The following GRB2 variants were observed in gnomAD, a reference collection of about 807,000 sequenced individuals.
GRB2 encodes the protein growth factor receptor-bound protein 2.
GRB2 carries 2 observed loss-of-function variants against 27.4 expected under a neutral mutation model. The ratio of observed to expected loss-of-function variants is 0.07; its 90% CI spans 0.03 to 0.23. The LOEUF (loss-of-function observed/expected upper bound fraction) is 0.23, where lower values mean the gene tolerates loss of function less well. GRB2 is among the 10% of genes least tolerant of loss of function. The probability of loss-of-function intolerance (pLI) is 1.00; values close to 1 mark genes in which losing one functional copy is unlikely to be tolerated. For missense variants in GRB2, 102 were observed against 282.4 expected (o/e 0.36, Z 4.58); for synonymous variants, 94 against 99.6 (o/e 0.94, Z 0.33).
chr17:75,374,561 G>GAC (rs144253308), intron 2 of GRB2, among the ~76,000 whole-genome samples: 100 of 151,624 alleles, frequency 6.6e-4, no homozygotes, highest in African/African-American at 1.2e-3. Flanking sequence ...AAATCCTATT[G>GAC]ACACACACAC....
chr17:75,394,893 A>G (rs185736639), intron 1 of GRB2: 2 of 152,314 alleles, frequency 1.3e-5, no homozygotes, highest in East Asian at 3.9e-4. Flanking sequence ...CGGTGTAGTG[A>G]AGCGTCTCCA....
intron 2 of GRB2, among the ~76,000 whole-genome samples, chr17:75,349,574 G>A (rs11657602): frequency 5.5e-5 from 8 of 146,356 alleles, no homozygotes; most frequent in South Asian, 2.2e-4. Flanking sequence ...GCAGTGATGC[G>A]ATCTTGGCCC....
intron 2 of GRB2, chr17:75,387,633 T>G (rs959588032): frequency 6.6e-6 from 1 of 151,278 alleles, no homozygotes; most frequent in Non-Finnish European, 1.5e-5. Flanking sequence ...CACATCTCTA[T>G]TAAAAATACA....
chr17:75,339,909 G>GT (rs1221748776), intron 2 of GRB2, among the ~76,000 whole-genome samples: 1 of 152,156 alleles, frequency 6.6e-6, no homozygotes, highest in Non-Finnish European at 1.5e-5. Flanking sequence ...GATTACAGGC[G>GT]TTAGCCACGG....
intron 2 of GRB2, among the ~76,000 whole-genome samples, chr17:75,361,876 TA>T (rs36010550): frequency 0.014 from 2,009 of 142,346 alleles, 68 homozygotes; most frequent in East Asian, 0.099. Context: ...GTGTCTTTAT[TA>T]AAAAAAAAAA....
chr17:75,398,449 T>C (rs1278878870), intron 1 of GRB2, among the ~76,000 whole-genome samples: 1 of 151,678 alleles, frequency 6.6e-6, no homozygotes, highest in Non-Finnish European at 1.5e-5. Context: ...TTTGTAGAGA[T>C]GGGGTCTCCC....
rs149866767 is a variant in GRB2 at position 75,357,009 on chromosome 17, A to G, written c.79-24212T>C. On this transcript the variant is annotated intron_variant, in intron 2 of 5. Transcript: ENST00000316804. ...GCTAATGGCTTTTATAACATCCCCA[A>G]ATGGAACACTTTTCACTTTTACCAC... 3.9e-4 allele frequency among the ~76,000 whole-genome samples: 60 copies of G among 152,144 alleles called. 1 individual carries two copies. The highest frequency in any genetic ancestry group is 1.3e-3 in the African/African-American group (53 of 41,514).
chr17:75,379,503 G>C (rs1233255787), intron 2 of GRB2, among the ~76,000 whole-genome samples: 5 of 151,930 alleles, frequency 3.3e-5, no homozygotes, highest in African/African-American at 1.2e-4. Flanking sequence ...GGCTCAAGCA[G>C]TCTTCCCACC....
intron 4 of GRB2, among the ~76,000 whole-genome samples, chr17:75,324,507 G>GTTTTGTTT (rs1555608339): frequency 1.4e-4 from 5 of 36,704 alleles, no homozygotes; most frequent in Non-Finnish European, 2.8e-4. Flanking sequence ...ACCGCACCCA[G>GTTTTGTTT]TTTTTTTTTT....
intron 3 of GRB2, among the ~76,000 whole-genome samples, chr17:75,328,285 C>A (rs998929333): frequency 4.6e-5 from 7 of 151,038 alleles, no homozygotes; most frequent in African/African-American, 1.7e-4. Context: ...GACTGTGCCA[C>A]CGCACTCCAG....
intron 4 of GRB2, among the ~76,000 whole-genome samples, chr17:75,324,018 G>C (rs966452165): frequency 1.3e-5 from 2 of 151,188 alleles, no homozygotes; most frequent in Admixed American, 1.3e-4. Flanking sequence ...CACCATATTG[G>C]TCAGGCTGGT....
At chr17:75,394,710 G>C (rs1023007266) in intron 1 of GRB2, 2 of 152,262 alleles carry the variant, frequency 1.3e-5, no homozygotes, top group Non-Finnish European at 2.9e-5. Flanking sequence ...AGTGCAGGGA[G>C]ATGGTGCCCG....
chr17:75,330,749 G>A (rs929141116), intron 3 of GRB2, among the ~76,000 whole-genome samples: 6 of 151,870 alleles, frequency 4.0e-5, no homozygotes, highest in Admixed American at 3.9e-4. Context: ...AATAGCAAGG[G>A]CGAGAGCTAA....
chr17:75,345,558 C>T (rs536233681), intron 2 of GRB2, among the ~76,000 whole-genome samples: 1 of 152,222 alleles, frequency 6.6e-6, no homozygotes, highest in South Asian at 2.1e-4. Flanking sequence ...ACCAGGACAC[C>T]GTTAATTTCC....
intron 2 of GRB2, among the ~76,000 whole-genome samples, chr17:75,380,322 G>T: frequency 6.9e-6 from 1 of 143,976 alleles, no homozygotes. Flanking sequence ...TGCTTTTTCT[G>T]ATTACAAAAC....
intron 2 of GRB2, among the ~76,000 whole-genome samples, chr17:75,374,927 T>C (rs987536131): frequency 1.3e-5 from 2 of 152,166 alleles, no homozygotes; most frequent in Non-Finnish European, 1.5e-5. Flanking sequence ...AGGGGTCTCA[T>C]TCAGTCGCTC....
chr17:75,397,918 T>TG (rs2079038811), intron 1 of GRB2, among the ~76,000 whole-genome samples: 1 of 152,058 alleles, frequency 6.6e-6, no homozygotes, highest in Non-Finnish European at 1.5e-5. Flanking sequence ...CTCAGGTCAC[T>TG]GCAACCTCCG....
chr17:75,387,245 G>A (rs2078970086), intron 2 of GRB2, among the ~76,000 whole-genome samples: 1 of 151,900 alleles, frequency 6.6e-6, no homozygotes, highest in African/African-American at 2.4e-5. Context: ...ATATTTTGAG[G>A]CCAGGAGTTC....
chr17:75,324,507 GT>G (rs767194304), intron 4 of GRB2, among the ~76,000 whole-genome samples: 754 of 36,646 alleles, frequency 0.021, 3 homozygotes, highest in African/African-American at 0.056. Context: ...ACCGCACCCA[GT>G]TTTTTTTTTT....
Sources: gnomAD v4.1 joint callset for allele counts (sites outside exome capture counted in the v4.1 genomes callset) on GRCh38, gnomAD v4.1.1 for gene constraint, MANE v1.5 for transcripts, NCBI Gene and HGNC (gene_info 2026-07-23, HGNC 2026-07-21) for gene names.